FAM193A: variants seen among roughly 807,000 people sequenced by gnomAD.
FAM193A encodes family with sequence similarity 193 member A.
Under a neutral mutation model 126.5 loss-of-function variants are expected in FAM193A, and 22 were observed. The observed-to-expected ratio is 0.17, with a 90% CI of 0.12 to 0.25. FAM193A has a LOEUF of 0.25. FAM193A is among the 10% of genes least tolerant of loss of function. The pLI is 1.00. For missense variants in FAM193A, 1,675 were observed against 1,672.8 expected, an observed-to-expected ratio of 1.00 and a Z score of -0.02; for synonymous variants, 761 against 646.8, an observed-to-expected ratio of 1.18 and a Z score of -2.68.
At chr4:2,619,472 AT>A (rs1442394158) in intron 2 of FAM193A, among the ~76,000 whole-genome samples, 1 of 151,298 alleles carries the variant, frequency 6.6e-6, no homozygotes, top group Non-Finnish European at 1.5e-5. Flanking sequence ...TAATTTTTGT[AT>A]TTTTGTATTT....
At chr4:2,692,052 C>T (rs1257076532) in intron 15 of FAM193A, among the ~76,000 whole-genome samples, 1 of 152,082 alleles carries the variant, frequency 6.6e-6, no homozygotes, top group Non-Finnish European at 1.5e-5. Flanking sequence ...AAAGCAGCAC[C>T]CATAGGGTAC....
intron 12 of FAM193A, among the ~76,000 whole-genome samples, chr4:2,667,107 T>C (rs1713206539): frequency 6.6e-6 from 1 of 152,242 alleles, no homozygotes; most frequent in African/African-American, 2.4e-5. Flanking sequence ...GATCCTGTTC[T>C]ATGTGTACTT....
chr4:2,558,586 G>T (rs528356569), intron 1 of FAM193A, among the ~76,000 whole-genome samples: 1 of 152,152 alleles, frequency 6.6e-6, no homozygotes, highest in Non-Finnish European at 1.5e-5. Flanking sequence ...CTTGTATGTT[G>T]CCTAGACTGG....
intron 5 of FAM193A, among the ~76,000 whole-genome samples, chr4:2,634,335 G>A (rs1011113150): frequency 6.6e-6 from 1 of 152,134 alleles, no homozygotes; most frequent in Non-Finnish European, 1.5e-5. Flanking sequence ...AAGTCAGGCA[G>A]CATGCAGATC....
At chr4:2,673,908 A>G (rs1350735376) in intron 13 of FAM193A, among the ~76,000 whole-genome samples, 1 of 152,204 alleles carries the variant, frequency 6.6e-6, no homozygotes. Context: ...AGATCTATAT[A>G]TGGGTAAAAG....
At position 2,693,891 on chromosome 4, in the gene FAM193A, C is replaced by A. The variant is rs1375312800; in HGVS notation, c.3092+17C>A. 1 of 1,606,264 alleles carries A rather than the reference C, an allele frequency of 6.2e-7. No individual in the cohort carries two copies. Among genetic ancestry groups the A allele is most frequent in the African/African-American group, 1.3e-5 (1 of 74,810 alleles). On this transcript the variant is annotated intron_variant, in intron 16 of 20. Coordinates refer to ENST00000637812, the MANE Select transcript of FAM193A (RefSeq NM_001366318.2). ...TGTCTGCAGGTGAGCCAAGTCCTGA[C>A]TGGGGACGTGGGAGCACTTTGGAAA...
At position 2,653,773 on chromosome 4, in the gene FAM193A, G is replaced by T. The variant is rs140843046; in HGVS notation, c.1312-4030G>T. Among the ~76,000 whole-genome samples, 528 of 152,298 alleles carry T rather than the reference G, an allele frequency of 3.5e-3. 3 individuals are homozygous for T. Among genetic ancestry groups the T allele is most frequent in the African/African-American group, 0.012 (512 of 41,560 alleles). On this transcript the variant is annotated intron_variant, in intron 7 of 20. Coordinates refer to ENST00000637812, the MANE Select transcript of FAM193A (RefSeq NM_001366318.2). ...TGCATTTTTATTTTCACTGTCTTGT[G>T]AAGAAACCATGAGAAACAATCTGCC...
At chr4:2,536,632 C>G (rs530023910), upstream of FAM193A, 1 of 151,230 alleles carries the variant, frequency 6.6e-6, no homozygotes, top group Non-Finnish European at 1.5e-5. Context: ...TCCCCCTCCC[C>G]CGACGTAAAC....
upstream of FAM193A, among the ~76,000 whole-genome samples, chr4:2,535,699 C>T (rs1447974628): frequency 6.6e-6 from 1 of 152,174 alleles, no homozygotes. Context: ...GGGTCTGACC[C>T]GGCTAGTCGT....
At chr4:2,552,533 C>G (rs1560437566) in intron 1 of FAM193A, among the ~76,000 whole-genome samples, 2 of 151,950 alleles carry the variant, frequency 1.3e-5, no homozygotes, top group African/African-American at 4.8e-5. Flanking sequence ...GTATGTTGAA[C>G]TTTCTTTTCT....
At chr4:2,728,123 G>T (rs1720961155) in intron 20 of FAM193A, among the ~76,000 whole-genome samples, 1 of 151,572 alleles carries the variant, frequency 6.6e-6, no homozygotes, top group South Asian at 2.1e-4. Flanking sequence ...TAGAGGCAGG[G>T]TTTCTCCATG....
chr4:2,545,078 T>C (rs846096), intron 1 of FAM193A, among the ~76,000 whole-genome samples: 149,295 of 151,670 alleles, frequency 0.98, 73,510 homozygotes, highest in Middle Eastern at 1. Flanking sequence ...CTGCAACCTC[T>C]GCCTCCTGGG....
intron 6 of FAM193A, 29 bp from the exon 7 acceptor site, chr4:2,646,656 C>T: frequency 6.4e-7 from 1 of 1,568,546 alleles, no homozygotes; most frequent in South Asian, 1.2e-5. Flanking sequence ...TGGGTTCTTT[C>T]CTTTGTTACA....
intron 1 of FAM193A, among the ~76,000 whole-genome samples, chr4:2,556,423 C>G (rs553741779): frequency 6.6e-6 from 1 of 150,710 alleles, no homozygotes; most frequent in East Asian, 2.0e-4. Flanking sequence ...CCAGGATGGT[C>G]TTGATCTCCT....
At chr4:2,661,447 T>C (rs1390456855) in intron 10 of FAM193A, among the ~76,000 whole-genome samples, 1 of 152,224 alleles carries the variant, frequency 6.6e-6, no homozygotes, top group Non-Finnish European at 1.5e-5. Context: ...ATGGCTGAGT[T>C]ACTTCACTAG....
intron 18 of FAM193A, 101 bp downstream of exon 18, chr4:2,696,694 G>GGGCT: frequency 1.2e-6 from 1 of 835,168 alleles, no homozygotes; most frequent in Non-Finnish European, 1.9e-6. Context: ...CAGGAGGTCG[G>GGGCT]GGCTCTGACG....
chr4:2,623,153 G>A (rs1030153636), intron 2 of FAM193A, among the ~76,000 whole-genome samples: 3 of 152,132 alleles, frequency 2.0e-5, no homozygotes, highest in South Asian at 4.2e-4. Flanking sequence ...GTGTGCTGGC[G>A]GCAGCTGAGC....
At chr4:2,683,381 G>A (rs1000675470) in intron 13 of FAM193A, among the ~76,000 whole-genome samples, 2 of 151,334 alleles carry the variant, frequency 1.3e-5, no homozygotes, top group African/African-American at 4.9e-5. Flanking sequence ...TGTAACCACT[G>A]TCTCCCAGGT....
At chr4:2,641,664 TACAAAA>T (rs1744640264) in intron 6 of FAM193A, among the ~76,000 whole-genome samples, 1 of 151,884 alleles carries the variant, frequency 6.6e-6, no homozygotes, top group African/African-American at 2.4e-5. Context: ...GAAAACAAAA[TACAAAA>T]ACAAACAAAC....
Sources: gnomAD v4.1 joint callset for allele counts (sites outside exome capture counted in the v4.1 genomes callset) on GRCh38, gnomAD v4.1.1 for gene constraint, MANE v1.5 for transcripts, NCBI Gene and HGNC (gene_info 2026-07-23, HGNC 2026-07-21) for gene names.